RERE: variants seen among roughly 807,000 people sequenced by gnomAD.
RERE encodes the protein arginine-glutamic acid dipeptide repeats.
A neutral mutation model predicts 146.1 loss-of-function variants in RERE; 40 were observed. The observed-to-expected ratio is 0.27, with a 90% CI of 0.21 to 0.36. The LOEUF (loss-of-function observed/expected upper bound fraction) is 0.36. Ranked by LOEUF, RERE falls within the 10% of genes least tolerant of loss-of-function variation. The pLI is 1.00. For missense variants in RERE, 1,933 were observed against 2,138.7 expected (o/e 0.90, Z 1.90); for synonymous variants, 1,003 against 866.0 (o/e 1.16, Z -2.78).
At chr1:8,692,558 A>T (rs1639229421) in intron 1 of RERE, among the ~76,000 whole-genome samples, 1 of 152,108 alleles carries the variant, frequency 6.6e-6, no homozygotes, top group Non-Finnish European at 1.5e-5. Flanking sequence ...TATAATGGCC[A>T]GGCTGGTCTC....
intron 7 of RERE, among the ~76,000 whole-genome samples, chr1:8,531,430 G>A (rs1557675307): frequency 2.7e-5 from 4 of 150,268 alleles, no homozygotes; most frequent in African/African-American, 4.9e-5. Context: ...GCAACAGAGC[G>A]AGACTCCACC....
chr1:8,782,377 A>C (rs1236209056), intron 1 of RERE, among the ~76,000 whole-genome samples: 2 of 151,992 alleles, frequency 1.3e-5, no homozygotes, highest in Non-Finnish European at 2.9e-5. Flanking sequence ...CTGTTGTCTC[A>C]GACTTTTTAA....
intron 12 of RERE, among the ~76,000 whole-genome samples, chr1:8,414,365 T>A (rs1447815626): frequency 6.6e-6 from 1 of 151,846 alleles, no homozygotes; most frequent in East Asian, 2.0e-4. Flanking sequence ...GCCAACATGG[T>A]GAAACCCCAT....
At chr1:8,425,034 T>A (rs1643990578) in intron 11 of RERE, 1 of 152,348 alleles carries the variant, frequency 6.6e-6, no homozygotes, top group Non-Finnish European at 1.5e-5. Flanking sequence ...GCAGAAAGGC[T>A]GAAGCTGGAG....
At chr1:8,610,022 GC>G (rs1646773140) in intron 4 of RERE, among the ~76,000 whole-genome samples, 1 of 152,034 alleles carries the variant, frequency 6.6e-6, no homozygotes, top group Non-Finnish European at 1.5e-5. Context: ...AACCGCCCCA[GC>G]CTCCCAAACT....
intron 2 of RERE, among the ~76,000 whole-genome samples, chr1:8,643,675 A>G: frequency 6.6e-6 from 1 of 152,228 alleles, no homozygotes; most frequent in East Asian, 1.9e-4. Context: ...GCTTGAAGGC[A>G]CCAAAACAAT....
At chr1:8,678,144 T>G (rs1398399824) in intron 1 of RERE, among the ~76,000 whole-genome samples, 1 of 152,214 alleles carries the variant, frequency 6.6e-6, no homozygotes, top group Non-Finnish European at 1.5e-5. Context: ...GAACAGGAAC[T>G]GTGCCACATT....
intron 3 of RERE, among the ~76,000 whole-genome samples, chr1:8,619,425 T>A (rs539445601): frequency 6.6e-6 from 1 of 152,330 alleles, no homozygotes; most frequent in South Asian, 2.1e-4. Flanking sequence ...TATAGCTACA[T>A]ATACTACCTA....
intron 12 of RERE, among the ~76,000 whole-genome samples, chr1:8,389,614 G>A (rs1642810168): frequency 6.6e-6 from 1 of 152,176 alleles, no homozygotes; most frequent in Non-Finnish European, 1.5e-5. Context: ...AAACCATGAG[G>A]AAGGGGTGGA....
At chr1:8,376,291 T>C (rs1237264161) in intron 12 of RERE, among the ~76,000 whole-genome samples, 1 of 152,142 alleles carries the variant, frequency 6.6e-6, no homozygotes, top group Non-Finnish European at 1.5e-5. Context: ...GAGCACAAAA[T>C]ATCCCTGTGC....
At chr1:8,639,057 G>A (rs796139392) in intron 2 of RERE, among the ~76,000 whole-genome samples, 38 of 152,158 alleles carry the variant, frequency 2.5e-4, no homozygotes, top group African/African-American at 9.2e-4. Flanking sequence ...ACAGGCGTGA[G>A]CCACCGCGCC....
At chr1:8,585,544 T>C (rs1318376436) in intron 4 of RERE, among the ~76,000 whole-genome samples, 2 of 152,098 alleles carry the variant, frequency 1.3e-5, no homozygotes, top group Admixed American at 1.3e-4. Context: ...ATGTACAAGA[T>C]GAGGATGGAA....
At chr1:8,646,544 A>C (rs6687238) in intron 2 of RERE, among the ~76,000 whole-genome samples, 10,544 of 151,804 alleles carry the variant, frequency 0.069, 1,079 homozygotes, top group African/African-American at 0.23. Context: ...CACTCAAAAA[A>C]AAACAAACAA....
chr1:8,565,797 C>T (rs976410605), intron 4 of RERE, among the ~76,000 whole-genome samples: 4 of 152,086 alleles, frequency 2.6e-5, no homozygotes, highest in Admixed American at 1.3e-4. Context: ...CAGCTCAAAA[C>T]GCCAGGAAAG....
At chr1:8,367,943 C>T (rs541486672) in intron 12 of RERE, among the ~76,000 whole-genome samples, 9 of 152,310 alleles carry the variant, frequency 5.9e-5, no homozygotes, top group African/African-American at 2.2e-4. Context: ...GACATAAACG[C>T]TGACTTGTGT....
intron 4 of RERE, among the ~76,000 whole-genome samples, chr1:8,578,981 C>T (rs1646330099): frequency 6.6e-6 from 1 of 152,164 alleles, no homozygotes; most frequent in African/African-American, 2.4e-5. Flanking sequence ...TTAGGGAGCC[C>T]TCCTGTCCAG....
chr1:8,465,560 C>G (rs914255677), intron 11 of RERE: 1 of 353,928 alleles, frequency 2.8e-6, no homozygotes, highest in Non-Finnish European at 5.6e-6. Context: ...AGTCACCAAC[C>G]CTACTTTAGG....
chr1:8,440,040 C>A (rs974034828), intron 11 of RERE, among the ~76,000 whole-genome samples: 2 of 152,146 alleles, frequency 1.3e-5, no homozygotes, highest in African/African-American at 2.4e-5. Flanking sequence ...CGCCATTACA[C>A]TCCAGCCTGG....
chr1:8,742,506 C>G (rs1165709412), intron 1 of RERE, among the ~76,000 whole-genome samples: 1 of 152,154 alleles, frequency 6.6e-6, no homozygotes, highest in Non-Finnish European at 1.5e-5. Context: ...AGAACTCACA[C>G]AAGCCAAAGC....
Sources: allele counts gnomAD v4.1 joint callset (sites outside exome capture counted in the v4.1 genomes callset), GRCh38; gene constraint gnomAD v4.1.1; transcripts MANE v1.5; gene names NCBI Gene and HGNC (gene_info 2026-07-23, HGNC 2026-07-21).